The following THAP4 variants were observed in gnomAD, a reference collection of about 807,000 sequenced individuals.
THAP4 encodes the protein THAP domain containing 4, also known as peroxynitrite isomerase THAP4.
THAP4 carries 18 observed loss-of-function variants against 48.1 expected under a neutral mutation model. The observed-to-expected ratio is 0.37, with a 90% CI of 0.26 to 0.56. The LOEUF (loss-of-function observed/expected upper bound fraction) is 0.56, where lower values mean the gene tolerates loss of function less well. Ranked by LOEUF, THAP4 falls within the 20% of genes least tolerant of loss-of-function variation. THAP4 has a pLI of 0.78. For missense variants in THAP4, 656 were observed against 774.9 expected (o/e 0.85, Z 1.82); for synonymous variants, 345 against 324.9 (o/e 1.06, Z -0.66).
intron 2 of THAP4, among the ~76,000 whole-genome samples, chr2:241,632,038 G>C (rs2067570033): frequency 6.6e-6 from 1 of 151,598 alleles, no homozygotes; most frequent in Admixed American, 6.6e-5. Context: ...CTCCTGAGTA[G>C]CTGGCATTAC....
intron 5 of THAP4, chr2:241,585,070 T>C (rs1414195815): frequency 1.2e-5 from 3 of 252,314 alleles, no homozygotes; most frequent in African/African-American, 6.7e-5. Flanking sequence ...TCACCTTTTT[T>C]TGGTCTCTAC....
rs1346101653 is a variant in THAP4 at position 241,612,378 on chromosome 2, G to C, written c.1241-5905C>G. Among the ~76,000 whole-genome samples the C allele has an allele frequency of 6.6e-6, 1 of 152,242 alleles. No homozygotes were observed. Among genetic ancestry groups the C allele is most frequent in the Non-Finnish European group, 1.5e-5 (1 of 68,048 alleles). ...TGAAGACCATCTGGCATGTGCCTGA[G>C]AGGTTAAGTGTGGAGCAGTGGCCCA... On this transcript the variant is annotated intron_variant, in intron 2 of 5. Coordinates refer to ENST00000407315, the MANE Select transcript of THAP4 (RefSeq NM_015963.6). The surrounding 1 kb of genome is among the most constrained non-coding windows in gnomAD (Gnocchi z 4.1).
chr2:241,613,775 A>AC (rs1559227747), intron 2 of THAP4, among the ~76,000 whole-genome samples: 1 of 152,094 alleles, frequency 6.6e-6, no homozygotes, highest in Non-Finnish European at 1.5e-5. Context: ...CAAAAACAAA[A>AC]CAAAAAAAAG....
chr2:241,601,001 G>A lies in THAP4; in HGVS notation c.1614+895C>T, dbSNP rs996886184. Among the ~76,000 whole-genome samples the A allele has an allele frequency of 4.6e-5, 7 of 152,006 alleles. No homozygotes were observed. In the East Asian group the frequency reaches 7.7e-4, roughly 17 times the overall value. The stretch of plus-strand genomic sequence containing the variant: ...AAAAAAAAAAAAGGACAATCTGGCC[G>A]GGCACGGTTGTTCATACCTGTAATC... On this transcript the variant is annotated intron_variant, in intron 5 of 5. Transcript: ENST00000407315. The surrounding 1 kb of genome is among the most constrained non-coding windows in gnomAD (Gnocchi z 4.0).
intron 2 of THAP4, among the ~76,000 whole-genome samples, chr2:241,615,848 G>A (rs190478623): frequency 5.3e-5 from 8 of 152,298 alleles, no homozygotes; most frequent in Admixed American, 3.3e-4. Flanking sequence ...CACGGTTCCC[G>A]ACACATCAGG....
rs766391602 is a variant in THAP4 at position 241,633,823 on chromosome 2, C to T, written c.334G>A (p.Val112Met). The T allele has an allele frequency of 8.1e-6, 13 of 1,613,908 alleles. No individual in the cohort carries two copies. The Admixed American group carries it at 2.0e-4, about 25-fold the overall frequency. ...GTGGCGGCACTCGAGTGTCCCCTCACACCCCCTGTGGCCTTGCTGGCATCT... is the reference window on the plus strand; with the variant it reads ...GTGGCGGCACTCGAGTGTCCCCTCATACCCCCTGTGGCCTTGCTGGCATCT... ...RKDASKATGG[V>M]RGHSSAATSR... The change falls in exon 2 of 6, where the codon GTG (valine) becomes ATG (methionine). Residue 112 changes from valine (V) to methionine (M), a missense_variant. By Grantham distance (21) the Val-to-Met change is conservative. Coordinates refer to ENST00000407315, the MANE Select transcript of THAP4 (RefSeq NM_015963.6). This position sits in a 1 kb window ranked among gnomAD's most constrained non-coding sequence, Gnocchi z 7.5.
At chr2:241,595,825 A>C (rs2067040104) in intron 5 of THAP4, among the ~76,000 whole-genome samples, 1 of 152,134 alleles carries the variant, frequency 6.6e-6, no homozygotes, top group South Asian at 2.1e-4. Context: ...AGCTGTGCCC[A>C]GACACTGGGA....
chr2:241,608,038 C>T (rs942886406), intron 2 of THAP4, among the ~76,000 whole-genome samples: 8 of 151,280 alleles, frequency 5.3e-5, no homozygotes, highest in Admixed American at 2.6e-4. Flanking sequence ...GACGGACTGA[C>T]GGGGACAGGA....
chr2:241,603,010 G>A lies in THAP4; in HGVS notation c.1470C>T (p.Pro490=), dbSNP rs768865949. The stretch of plus-strand genomic sequence containing the variant: ...TGACAAAGGCCACCTTGTTGGTGTC[G>A]GGCTTGAGGCGAATGAAGCCACACT... ...HRECGFIRLK[P]DTNKVAFVSA... Residue 490 remains proline (P), a synonymous_variant, in exon 4 of 6, where the codon CCC becomes CCT. Coordinates refer to ENST00000407315, the MANE Select transcript of THAP4 (RefSeq NM_015963.6). The A allele has an allele frequency of 6.3e-5, 101 of 1,613,994 alleles. No individual in the cohort carries two copies. In the Admixed American group the frequency reaches 6.3e-4, roughly 10 times the overall value.
intron 2 of THAP4, among the ~76,000 whole-genome samples, chr2:241,606,722 G>C (rs978934561): frequency 2.0e-5 from 3 of 152,222 alleles, no homozygotes; most frequent in Non-Finnish European, 4.4e-5. Flanking sequence ...CGCAAGCAAA[G>C]AGGCCTACAC....
chr2:241,591,235 G>A (rs998044648), intron 5 of THAP4, among the ~76,000 whole-genome samples: 15 of 151,984 alleles, frequency 9.9e-5, no homozygotes, highest in Non-Finnish European at 1.6e-4. Flanking sequence ...CTCGGCTGAT[G>A]ATCATGGGCA....
In THAP4 at chr2:241,606,308, A is replaced by G. The variant is rs962042026; in HGVS notation, c.1400+6T>C. 2.6e-6 allele frequency: 4 copies of G among 1,549,260 alleles called. No homozygotes were observed. Among genetic ancestry groups the G allele is most frequent in the African/African-American group, 1.4e-5 (1 of 73,174 alleles). On this transcript the variant is annotated splice_donor_region_variant and intron_variant, in intron 3 of 5. Transcript: ENST00000407315. ...AAGCAGGGTGGGGTGGAGGGAGACA[A>G]CTTACGAGAAGTTCAGCATGGGCTG...
chr2:241,588,157 A>G (rs1173532875), intron 5 of THAP4, among the ~76,000 whole-genome samples: 1 of 152,184 alleles, frequency 6.6e-6, no homozygotes, highest in Non-Finnish European at 1.5e-5. Flanking sequence ...ACTTCTATAT[A>G]CTTGCAACAA....
At chr2:241,627,665 G>A (rs2067510350) in intron 2 of THAP4, among the ~76,000 whole-genome samples, 1 of 152,194 alleles carries the variant, frequency 6.6e-6, no homozygotes, top group Non-Finnish European at 1.5e-5. Flanking sequence ...ATGACCCAAA[G>A]AGTCTGTCAC....
chr2:241,585,389 T>TG (rs555226996), intron 5 of THAP4, among the ~76,000 whole-genome samples: 1 of 85,088 alleles, frequency 1.2e-5, no homozygotes, highest in Admixed American at 1.3e-4. Flanking sequence ...CCCAGATGTG[T>TG]GGGGGGTCAT....
upstream of THAP4, chr2:241,637,493 C>A: frequency 6.9e-7 from 1 of 1,450,024 alleles, no homozygotes; most frequent in Non-Finnish European, 9.0e-7. Flanking sequence ...CAGCCGTCGT[C>A]CCACGACACG....
chr2:241,633,326 G>A lies in THAP4; in HGVS notation c.831C>T (p.Asp277=). Residue 277 remains aspartate, a synonymous_variant, in exon 2 of 6, where the codon GAC becomes GAT. Coordinates refer to ENST00000407315, the MANE Select transcript of THAP4 (RefSeq NM_015963.6). This position sits in a 1 kb window ranked among gnomAD's most constrained non-coding sequence, Gnocchi z 7.5. ...PSCSGSSLGP[D]KGLAQSPPSS... ...TGGGAGGGCTCTGGGCCAGGCCCTT[G>A]TCGGGTCCCAGGCTGCTCCCACTGC... The A allele has an allele frequency of 3.1e-6, 5 of 1,612,512 alleles. No individual in the cohort carries two copies. Among genetic ancestry groups the A allele is most frequent in the East Asian group, 2.2e-5 (1 of 44,852 alleles).
chr2:241,632,880 G>C (rs2067583192), intron 2 of THAP4, 37 bp downstream of exon 2: 2 of 1,496,338 alleles, frequency 1.3e-6, no homozygotes, highest in Non-Finnish European at 1.8e-6. Context: ...CCTCCTAACG[G>C]GAAGGGAACA....
upstream of THAP4, chr2:241,637,514 G>T (rs1244535158): frequency 7.0e-7 from 1 of 1,436,224 alleles, no homozygotes; most frequent in African/African-American, 1.5e-5. Flanking sequence ...ACCCCATGCC[G>T]CCCGCAGGGC....
Sources: allele counts gnomAD v4.1 joint callset (sites outside exome capture counted in the v4.1 genomes callset), GRCh38; gene constraint gnomAD v4.1.1; non-coding constraint Gnocchi (gnomAD v3.1); transcripts MANE v1.5; gene names NCBI Gene and HGNC (gene_info 2026-07-23, HGNC 2026-07-21).